The following C9orf153 variants were observed in gnomAD, a reference collection of about 807,000 sequenced individuals.
C9orf153 encodes the protein uncharacterized protein C9orf153.
In C9orf153, 10 loss-of-function variants were observed where a neutral mutation model predicts 9.0. That is an observed-to-expected ratio of 1.11 (90% CI 0.69 to 1.89). C9orf153 has a LOEUF of 1.89. C9orf153 is among the 40% of genes most tolerant of loss of function. The pLI is 0.00. For missense variants in C9orf153, 108 were observed against 111.0 expected (o/e 0.97, Z 0.12); for synonymous variants, 35 against 37.3 (o/e 0.94, Z 0.23).
intron 1 of C9orf153, among the ~76,000 whole-genome samples, chr9:86,257,115 G>A (rs769197718): frequency 3.3e-5 from 5 of 152,106 alleles, no homozygotes; most frequent in Non-Finnish European, 5.9e-5. Flanking sequence ...TATAATTGCC[G>A]ATTGGAGCAT....
In C9orf153 at chr9:86,228,013, T is replaced by G. The variant is rs1375629277; in HGVS notation, c.84A>C (p.Ala28=). 6.2e-7 allele frequency: 1 copy of G among 1,605,832 alleles called. No homozygotes were observed. Among genetic ancestry groups the G allele is most frequent in the Non-Finnish European group, 8.5e-7 (1 of 1,176,494 alleles). ...LPQCSLPELY[A]CIENFNKESK... ...TCTCCTTATTAAAATTCTCAATACA[T>G]GCATATAATTCTGGAAGCTGTGGAC... is the stretch of plus-strand genomic sequence containing the variant. The change falls in exon 3 of 4, where the codon GCA becomes GCC. Residue 28 remains alanine (A), a synonymous_variant. Transcript: ENST00000339137.
intron 1 of C9orf153, among the ~76,000 whole-genome samples, chr9:86,247,316 C>T (rs1824890399): frequency 1.3e-5 from 2 of 152,098 alleles, no homozygotes; most frequent in Non-Finnish European, 2.9e-5. Flanking sequence ...TCTTTTTCAT[C>T]TTTTTCTTGT....
At chr9:86,227,386 T>C in intron 3 of C9orf153, 1 of 1,532,700 alleles carries the variant, frequency 6.5e-7, no homozygotes, top group Non-Finnish European at 8.8e-7. Flanking sequence ...GGCTTGTTCA[T>C]TTTATTGACA....
chr9:86,248,550 T>G (rs940139235), intron 1 of C9orf153, among the ~76,000 whole-genome samples: 2 of 152,126 alleles, frequency 1.3e-5, no homozygotes, highest in Non-Finnish European at 2.9e-5. Context: ...AGGGTCTCAT[T>G]TTTAGAGAAT....
In C9orf153 at chr9:86,220,509, C is replaced by T. The variant is rs564016854; in HGVS notation, c.*1179G>A. The T allele has an allele frequency of 8.5e-5, 13 of 152,278 alleles. No individual in the cohort carries two copies. Among genetic ancestry groups the T allele is most frequent in the Non-Finnish European group, 1.5e-4 (10 of 68,028 alleles). The allele number at this position is 152,278 out of a possible 1,614,324, so 9.4% of individuals were successfully genotyped here. ...TTATAGAATTACAGACAGCTATTTT[C>T]CTTCAGCATTGTAAGTATATGACAC... On this transcript the variant is annotated 3_prime_UTR_variant, in exon 4 of 4. Transcript: ENST00000339137.
At chr9:86,248,507 TGA>T (rs1353769789) in intron 1 of C9orf153, among the ~76,000 whole-genome samples, 2 of 152,200 alleles carry the variant, frequency 1.3e-5, no homozygotes, top group Non-Finnish European at 2.9e-5. Flanking sequence ...TGCATGTCAC[TGA>T]GTTTTCTAAA....
intron 1 of C9orf153, among the ~76,000 whole-genome samples, chr9:86,234,538 C>T (rs1824537871): frequency 6.6e-6 from 1 of 152,142 alleles, no homozygotes; most frequent in Non-Finnish European, 1.5e-5. Context: ...AGACCCCTAC[C>T]TCAATCCTTA....
At chr9:86,251,320 C>A (rs915988995) in intron 1 of C9orf153, among the ~76,000 whole-genome samples, 3 of 152,072 alleles carry the variant, frequency 2.0e-5, no homozygotes, top group Non-Finnish European at 4.4e-5. Flanking sequence ...CTGTTTCACA[C>A]TGAAAAACTT....
At chr9:86,252,314 G>A (rs1485860753) in intron 1 of C9orf153, among the ~76,000 whole-genome samples, 3 of 152,148 alleles carry the variant, frequency 2.0e-5, no homozygotes, top group Non-Finnish European at 4.4e-5. Flanking sequence ...GATTACAAGT[G>A]TGAGCCCCCA....
intron 1 of C9orf153, among the ~76,000 whole-genome samples, chr9:86,251,010 C>T (rs777819839): frequency 4.6e-5 from 7 of 152,172 alleles, no homozygotes; most frequent in Non-Finnish European, 1.0e-4. Flanking sequence ...CCTCCTGCCT[C>T]GCCCTACCAA....
At chr9:86,256,974 C>A (rs1825134228) in intron 1 of C9orf153, among the ~76,000 whole-genome samples, 1 of 152,060 alleles carries the variant, frequency 6.6e-6, no homozygotes, top group Non-Finnish European at 1.5e-5. Flanking sequence ...GCCTGGGCAA[C>A]ACAGGGGGAA....
chr9:86,229,653 G>A, intron 1 of C9orf153, 24 bp from the exon 2 acceptor site: 1 of 1,353,856 alleles, frequency 7.4e-7, no homozygotes, highest in Non-Finnish European at 1.0e-6. Flanking sequence ...TATGAGAAAA[G>A]ACAAAAATCA....
chr9:86,255,077 G>T (rs1587812385), intron 1 of C9orf153, among the ~76,000 whole-genome samples: 1 of 137,502 alleles, frequency 7.3e-6, no homozygotes, highest in Non-Finnish European at 1.6e-5. Context: ...AAAAAAAAAA[G>T]AGAGAGAAAA....
At chr9:86,232,098 T>G (rs948548863) in intron 1 of C9orf153, among the ~76,000 whole-genome samples, 3 of 152,104 alleles carry the variant, frequency 2.0e-5, no homozygotes, top group African/African-American at 7.2e-5. Context: ...TCTCCAACTC[T>G]CTATACATGG....
intron 3 of C9orf153, among the ~76,000 whole-genome samples, chr9:86,223,985 T>C (rs867615702): frequency 3.3e-4 from 51 of 152,258 alleles, no homozygotes; most frequent in African/African-American, 1.1e-3. Context: ...CCCTGCATAG[T>C]GGCATGCACC....
At chr9:86,236,548 C>CAA (rs976982879) in intron 1 of C9orf153, among the ~76,000 whole-genome samples, 90 of 65,228 alleles carry the variant, frequency 1.4e-3, no homozygotes, top group East Asian at 2.3e-3. Flanking sequence ...GACTCCATCT[C>CAA]AAAAAAAAAA....
At chr9:86,226,748 G>GTTTT (rs201015759) in intron 3 of C9orf153, among the ~76,000 whole-genome samples, 2 of 151,394 alleles carry the variant, frequency 1.3e-5, no homozygotes, top group African/African-American at 4.9e-5. Flanking sequence ...AAGTTTCATG[G>GTTTT]TTTTTTGTTT....
chr9:86,257,703 T>C (rs1825153116), intron 1 of C9orf153, among the ~76,000 whole-genome samples: 3 of 152,292 alleles, frequency 2.0e-5, no homozygotes, highest in East Asian at 1.9e-4. Context: ...ACACGATTGA[T>C]TGACAGGGAA....
chr9:86,240,755 C>A (rs1417963439), intron 1 of C9orf153, among the ~76,000 whole-genome samples: 1 of 133,158 alleles, frequency 7.5e-6, no homozygotes, highest in Admixed American at 9.0e-5. Flanking sequence ...GTTGCCCAGG[C>A]TAAAGTGCAG....
Sources: allele counts gnomAD v4.1 joint callset (sites outside exome capture counted in the v4.1 genomes callset), GRCh38; gene constraint gnomAD v4.1.1; transcripts MANE v1.5; gene names NCBI Gene and HGNC (gene_info 2026-07-23, HGNC 2026-07-21).